The following ABCA12 variants were observed in gnomAD, a reference collection of about 807,000 sequenced individuals.
ABCA12 encodes the protein ATP binding cassette subfamily A member 12.
Under a neutral mutation model 293.5 loss-of-function variants are expected in ABCA12, and 156 were observed. That is an observed-to-expected ratio of 0.53 (90% CI 0.47 to 0.61). ABCA12 has a LOEUF of 0.61. ABCA12 is among the 20% of genes least tolerant of loss of function. ABCA12 has a pLI of 0.00. For synonymous variants in ABCA12, 1,063 were observed against 1,108.0 expected (o/e 0.96, Z 0.81); for missense variants, 2,797 against 3,090.2 (o/e 0.91, Z 2.25).
intron 29 of ABCA12, among the ~76,000 whole-genome samples, chr2:214,982,805 A>G (rs1450884723): frequency 6.6e-6 from 1 of 152,190 alleles, no homozygotes; most frequent in Non-Finnish European, 1.5e-5. Context: ...GGAGGGATAT[A>G]GGGAAATCCA....
intron 20 of ABCA12, among the ~76,000 whole-genome samples, chr2:215,003,669 TA>T (rs1188387843): frequency 3.2e-4 from 4 of 12,312 alleles, no homozygotes; most frequent in South Asian, 7.5e-3. Flanking sequence ...ATAATAATAA[TA>T]ATTTTTTTTT....
At chr2:214,933,614 T>A (rs1018211536) in intron 52 of ABCA12, among the ~76,000 whole-genome samples, 1 of 107,370 alleles carries the variant, frequency 9.3e-6, no homozygotes, top group Non-Finnish European at 1.8e-5. Context: ...AGACAGATGA[T>A]GTACGTTGAA....
intron 42 of ABCA12, among the ~76,000 whole-genome samples, chr2:214,955,933 T>C (rs929707884): frequency 1.3e-5 from 2 of 152,220 alleles, no homozygotes; most frequent in African/African-American, 4.8e-5. Context: ...TTTAGGTTGC[T>C]CAGAAATATG....
rs548634963 is a variant in ABCA12, at chr2:214,937,198, T to C, written c.7542+312A>G. Among the ~76,000 whole-genome samples, 9 of 152,224 alleles carry C rather than the reference T, an allele frequency of 5.9e-5. No individual in the cohort carries two copies. The East Asian group carries it at 1.4e-3, about 23-fold the overall frequency. Reference sequence around the variant, plus strand: ...ACATTGTTGGTTTTTTGTTTGTTTTTGTTTTTGTTTTTGTTTTTTAGACAG... The same window carrying C: ...ACATTGTTGGTTTTTTGTTTGTTTTCGTTTTTGTTTTTGTTTTTTAGACAG... On this transcript the variant is annotated intron_variant, in intron 51 of 52. Coordinates refer to ENST00000272895, the MANE Select transcript of ABCA12 (RefSeq NM_173076.3).
chr2:215,099,462 A>T (rs1702309371), intron 2 of ABCA12, among the ~76,000 whole-genome samples: 1 of 152,222 alleles, frequency 6.6e-6, no homozygotes. Flanking sequence ...TAGGAAGCCA[A>T]GGCGGGCAGA....
chr2:215,118,853 G>A (rs987801079), intron 1 of ABCA12, among the ~76,000 whole-genome samples: 5 of 151,934 alleles, frequency 3.3e-5, no homozygotes, highest in African/African-American at 1.2e-4. Flanking sequence ...TTTTTAAATG[G>A]GATTATTTGT....
At position 214,948,601 on chromosome 2, in the gene ABCA12, T is replaced by C; in HGVS notation, c.7099A>G (p.Lys2367Glu). ...TTTTTCACACTTGTACTCACTTCTTTAATATCCTTTTCTGGAATTCCATGT... is the reference window on the plus strand; with the variant it reads ...TTTTTCACACTTGTACTCACTTCTTCAATATCCTTTTCTGGAATTCCATGT... ...RVHGIPEKDI[K>E]ETVHKLLRRL... Residue 2367 changes from lysine to glutamate, a missense_variant, in exon 47 of 53, where the codon AAA becomes GAA. Lys to Glu is a moderately conservative substitution (Grantham distance 56). This residue lies in a region of ABCA12 where 2,130 missense variants were observed against 2,427.0 expected (regional missense o/e 0.88). Transcript: ENST00000272895. The C allele has an allele frequency of 1.2e-6, 2 of 1,613,992 alleles. No individual in the cohort carries two copies. Among genetic ancestry groups the C allele is most frequent in the Non-Finnish European group, 1.7e-6 (2 of 1,179,920 alleles).
chr2:214,947,042 C>T (rs138568936), intron 48 of ABCA12, among the ~76,000 whole-genome samples: 165 of 152,182 alleles, frequency 1.1e-3, no homozygotes, highest in African/African-American at 3.8e-3. Context: ...GTGAGTTTAC[C>T]TACTCAGTTC....
At chr2:215,073,792 C>T (rs75378121) in intron 2 of ABCA12, among the ~76,000 whole-genome samples, 10 of 152,198 alleles carry the variant, frequency 6.6e-5, no homozygotes, top group East Asian at 3.9e-4. Flanking sequence ...ACTGAGAGAA[C>T]GAGTTGAGGA....
chr2:215,045,808 T>C (rs1339650445), intron 7 of ABCA12, 29 bp downstream of exon 7: 3 of 1,593,398 alleles, frequency 1.9e-6, no homozygotes, highest in Non-Finnish European at 2.6e-6. Context: ...TGAACACTAA[T>C]ATTACATTTA....
intron 29 of ABCA12, among the ~76,000 whole-genome samples, chr2:214,983,435 G>A (rs1359879604): frequency 6.6e-6 from 1 of 152,198 alleles, no homozygotes; most frequent in Non-Finnish European, 1.5e-5. Flanking sequence ...GGGAGCCACA[G>A]ATGAAGAGAG....
chr2:215,009,951 G>C (rs1314800871), intron 18 of ABCA12, among the ~76,000 whole-genome samples: 1 of 152,130 alleles, frequency 6.6e-6, no homozygotes, highest in Non-Finnish European at 1.5e-5. Flanking sequence ...GATTGTTTTT[G>C]TTCCAACTAG....
intron 17 of ABCA12, 108 bp from the exon 18 acceptor site, chr2:215,010,578 T>C: frequency 8.3e-7 from 1 of 1,204,434 alleles, no homozygotes; most frequent in South Asian, 1.3e-5. Context: ...ATACATGCTC[T>C]AGTACTTCCT....
intron 6 of ABCA12, among the ~76,000 whole-genome samples, chr2:215,048,734 CA>C (rs1701257672): frequency 6.6e-6 from 1 of 151,836 alleles, no homozygotes; most frequent in Admixed American, 6.6e-5. Context: ...AAAACAAAAA[CA>C]AAGACATGGA....
At chr2:215,081,385 G>A (rs1701933369) in intron 2 of ABCA12, among the ~76,000 whole-genome samples, 1 of 151,220 alleles carries the variant, frequency 6.6e-6, no homozygotes, top group Non-Finnish European at 1.5e-5. Flanking sequence ...TGCTGAGGCA[G>A]GAGAATTGCT....
rs796110677 is a variant in ABCA12 at position 215,010,223 on chromosome 2, T to C, written c.2472+108A>G. ...TTCAGAAAGCCAAGGATAATAATAATAGTAGGTAAGATAGAAAGAAATCAG... is the reference window on the plus strand; with the variant it reads ...TTCAGAAAGCCAAGGATAATAATAACAGTAGGTAAGATAGAAAGAAATCAG... On this transcript the variant is annotated intron_variant, in intron 18 of 52. Coordinates refer to ENST00000272895, the MANE Select transcript of ABCA12 (RefSeq NM_173076.3). 1.2e-5 allele frequency: 16 copies of C among 1,334,406 alleles called. No homozygotes were observed. The African/African-American group carries it at 2.0e-4, about 17-fold the overall frequency. 82.7% of individuals were successfully genotyped at this position (1,334,406 alleles called of 1,614,324 possible). A position where few individuals can be genotyped will look rare whatever the true frequency, so the allele number is the denominator to read the frequency against.
At chr2:215,072,867 T>TGGGC in intron 2 of ABCA12, among the ~76,000 whole-genome samples, 1 of 152,144 alleles carries the variant, frequency 6.6e-6, no homozygotes, top group East Asian at 1.9e-4. Context: ...GAGACCAAGG[T>TGGGC]GGGCGGATCA....
At chr2:215,084,077 A>G (rs1375438787) in intron 2 of ABCA12, among the ~76,000 whole-genome samples, 1 of 152,122 alleles carries the variant, frequency 6.6e-6, no homozygotes, top group Non-Finnish European at 1.5e-5. Context: ...TCCTGGGATC[A>G]AGTGATCCTC....
At position 214,986,640 on chromosome 2, in the gene ABCA12, A is replaced by G. The variant is rs147774722; in HGVS notation, c.4065T>C (p.Tyr1355=). The G allele has an allele frequency of 1.5e-5, 25 of 1,614,020 alleles. No homozygotes were observed. The African/African-American group carries it at 2.8e-4, about 18-fold the overall frequency. Residue 1355 remains tyrosine (Y), a synonymous_variant, in exon 28 of 53, where the codon TAT becomes TAC. Transcript: ENST00000272895. The part of the protein sequence containing the change: ...GVALHGVTKI[Y]GSKVAVDNLN... ...GGTTATCAACAGCAACTTTTGAGCC[A>G]TAGATCTTTGTGACCCCATGCAGGG...
Sources: allele counts gnomAD v4.1 joint callset (sites outside exome capture counted in the v4.1 genomes callset), GRCh38; gene constraint gnomAD v4.1.1; regional missense constraint gnomAD v4.1.1; transcripts MANE v1.5; gene names NCBI Gene and HGNC (gene_info 2026-07-23, HGNC 2026-07-21).